The following SGCD variants were observed in gnomAD, a reference collection of about 807,000 sequenced individuals.
SGCD encodes the protein delta-sarcoglycan.
SGCD carries 18 observed loss-of-function variants against 36.6 expected under a neutral mutation model. The ratio of observed to expected loss-of-function variants is 0.49; its 90% CI spans 0.34 to 0.73. The LOEUF is 0.73. Ranked by LOEUF, SGCD falls within the 30% of genes least tolerant of loss-of-function variation. SGCD has a pLI of 0.01. For missense variants in SGCD, 387 were observed against 346.7 expected, an observed-to-expected ratio of 1.12 and a Z score of -0.92; for synonymous variants, 133 against 130.6, an observed-to-expected ratio of 1.02 and a Z score of -0.12.
At chr5:156,533,121 T>C (rs1204310814) in intron 4 of SGCD, among the ~76,000 whole-genome samples, 1 of 152,204 alleles carries the variant, frequency 6.6e-6, no homozygotes, top group Non-Finnish European at 1.5e-5. Flanking sequence ...GCCAGTTTCA[T>C]GAAGAGGAGA....
intron 1 of SGCD, among the ~76,000 whole-genome samples, chr5:155,990,131 A>G (rs1026482513): frequency 5.3e-5 from 8 of 152,172 alleles, no homozygotes; most frequent in Non-Finnish European, 1.2e-4. Flanking sequence ...ACTTGTTTCC[A>G]TGTAGTGAAA....
intron 3 of SGCD, among the ~76,000 whole-genome samples, chr5:156,450,642 G>A (rs923779787): frequency 2.6e-5 from 4 of 151,816 alleles, no homozygotes; most frequent in East Asian, 3.9e-4. Context: ...TATTCTAATT[G>A]TTTTCTATTG....
intron 3 of SGCD, among the ~76,000 whole-genome samples, chr5:156,202,336 G>T (rs1234861771): frequency 6.6e-6 from 1 of 152,136 alleles, no homozygotes; most frequent in Non-Finnish European, 1.5e-5. Context: ...ATGAATAGAA[G>T]CCAGACTGTT....
At chr5:156,297,821 A>T (rs1455086504) in intron 3 of SGCD, among the ~76,000 whole-genome samples, 1 of 145,802 alleles carries the variant, frequency 6.9e-6, no homozygotes, top group Non-Finnish European at 1.5e-5. Flanking sequence ...TAAATAAATA[A>T]ATAAATTGCT....
chr5:156,069,170 T>G (rs1419844377), intron 1 of SGCD, among the ~76,000 whole-genome samples: 1 of 152,130 alleles, frequency 6.6e-6, no homozygotes, highest in African/African-American at 2.4e-5. Context: ...GCCATTGCTT[T>G]TGGTGTTTTA....
At chr5:155,887,715 G>A (rs1756040967) in intron 1 of SGCD, among the ~76,000 whole-genome samples, 2 of 152,180 alleles carry the variant, frequency 1.3e-5, no homozygotes, top group Non-Finnish European at 2.9e-5. Flanking sequence ...AGCTATTATA[G>A]TTATTGCCTA....
intron 3 of SGCD, among the ~76,000 whole-genome samples, chr5:156,152,062 GA>G (rs979483850): frequency 6.6e-6 from 1 of 150,578 alleles, no homozygotes; most frequent in African/African-American, 2.5e-5. Flanking sequence ...ATACTTTTTT[GA>G]AAATGGTCTT....
At chr5:156,007,090 C>A (rs1345939599) in intron 1 of SGCD, among the ~76,000 whole-genome samples, 2 of 152,204 alleles carry the variant, frequency 1.3e-5, no homozygotes, top group African/African-American at 4.8e-5. Context: ...TTAAGTACCC[C>A]TGCTACTTCC....
Position 156,681,207 on chromosome 5 carries a change from T to C in SGCD, c.575+33671T>C, listed in dbSNP as rs75348444. On this transcript the variant is annotated intron_variant, in intron 7 of 8. Coordinates refer to ENST00000337851, the MANE Select transcript of SGCD (RefSeq NM_000337.6). ...GTCACACGAACTGTTTGAAAGGTAT[T>C]GAATGCCGAAGACTTTACTGAGCGG... 3.2e-3 allele frequency among the ~76,000 whole-genome samples: 487 copies of C among 152,208 alleles called. 4 individuals are homozygous for C. The highest frequency in any genetic ancestry group is 0.011 in the African/African-American group (470 of 41,540).
chr5:156,541,349 G>A (rs1758340751), intron 4 of SGCD, among the ~76,000 whole-genome samples: 2 of 152,126 alleles, frequency 1.3e-5, no homozygotes, highest in African/African-American at 4.8e-5. Context: ...TAAAACAAAT[G>A]TACCTTAGAG....
chr5:155,874,743 A>G (rs1286202279), intron 1 of SGCD, among the ~76,000 whole-genome samples: 3 of 152,130 alleles, frequency 2.0e-5, no homozygotes, highest in Non-Finnish European at 4.4e-5. Flanking sequence ...GCCAAAATTA[A>G]ATAAAGAAAC....
At chr5:156,725,364 G>T (rs1296255862) in intron 7 of SGCD, among the ~76,000 whole-genome samples, 1 of 152,186 alleles carries the variant, frequency 6.6e-6, no homozygotes, top group Non-Finnish European at 1.5e-5. Context: ...TTTATTAATA[G>T]ATATTATTAA....
In SGCD at chr5:156,548,267, G is replaced by A. The variant is rs145348248; in HGVS notation, c.294+39565G>A. Among the ~76,000 whole-genome samples, 699 of 152,266 alleles carry A rather than the reference G, an allele frequency of 4.6e-3. 4 individuals are homozygous for A. Among genetic ancestry groups the A allele is most frequent in the African/African-American group, 0.014 (581 of 41,564 alleles). On this transcript the variant is annotated intron_variant, in intron 4 of 8. Coordinates refer to ENST00000337851, the MANE Select transcript of SGCD (RefSeq NM_000337.6). ...TGCTCAGCTTTGGAGGATAGAAGTC[G>A]AATGTCCCCTTACCAACTTTGGAAG...
intron 3 of SGCD, among the ~76,000 whole-genome samples, chr5:156,145,564 A>G (rs953147585): frequency 6.6e-6 from 1 of 152,220 alleles, no homozygotes; most frequent in Non-Finnish European, 1.5e-5. Flanking sequence ...AATGAATTTT[A>G]TGAAATAATT....
At chr5:155,840,738 G>A in the SGCD span, among the ~76,000 whole-genome samples, 8 of 151,630 alleles carry the variant, frequency 5.3e-5, no homozygotes, top group Admixed American at 4.6e-4. Context: ...CAGGCCGGGA[G>A]TGGTGGCTCG....
intron 3 of SGCD, among the ~76,000 whole-genome samples, chr5:156,295,560 T>A (rs1484522230): frequency 6.6e-6 from 1 of 152,190 alleles, no homozygotes; most frequent in Non-Finnish European, 1.5e-5. Context: ...TTTCCTTCCA[T>A]TTGGTCTGGA....
intron 4 of SGCD, among the ~76,000 whole-genome samples, chr5:156,556,969 A>T (rs1489825085): frequency 3.9e-5 from 6 of 152,214 alleles, no homozygotes; most frequent in African/African-American, 1.2e-4. Context: ...TTAAAAGGTC[A>T]GTGTGAGCTA....
At chr5:155,872,224 A>G (rs981353100) in intron 1 of SGCD, among the ~76,000 whole-genome samples, 2 of 152,164 alleles carry the variant, frequency 1.3e-5, no homozygotes, top group Admixed American at 1.3e-4. Flanking sequence ...GTTTCCATCC[A>G]TACAAAGAGA....
intron 7 of SGCD, among the ~76,000 whole-genome samples, chr5:156,657,592 A>G (rs1365682573): frequency 1.3e-5 from 2 of 151,444 alleles, no homozygotes; most frequent in Non-Finnish European, 2.9e-5. Context: ...GTGAAACCCC[A>G]TCTCTACTAA....
Sources: gnomAD v4.1 joint callset for allele counts (sites outside exome capture counted in the v4.1 genomes callset) on GRCh38, gnomAD v4.1.1 for gene constraint, MANE v1.5 for transcripts, NCBI Gene and HGNC (gene_info 2026-07-23, HGNC 2026-07-21) for gene names.